TSPEAR: variants seen among roughly 807,000 people sequenced by gnomAD.
TSPEAR encodes thrombospondin type laminin G domain and EAR repeats, also known as thrombospondin-type laminin G domain and EAR repeat-containing protein.
In TSPEAR, 69 loss-of-function variants were observed where a neutral mutation model predicts 71.6. The observed-to-expected ratio is 0.96, with a 90% CI of 0.79 to 1.18. TSPEAR has a LOEUF of 1.18. Among genes scored for constraint, TSPEAR ranks in the 50% most tolerant of loss-of-function variants. The pLI, the probability that TSPEAR is intolerant of heterozygous loss-of-function variation, is 0.00. For missense variants in TSPEAR, 971 were observed against 894.9 expected, an observed-to-expected ratio of 1.09 and a Z score of -1.09; for synonymous variants, 402 against 387.2, an observed-to-expected ratio of 1.04 and a Z score of -0.45.
At chr21:44,649,673 C>A (rs912871979) in intron 1 of TSPEAR, among the ~76,000 whole-genome samples, 1 of 152,182 alleles carries the variant, frequency 6.6e-6, no homozygotes, top group African/African-American at 2.4e-5. Context: ...CCCATACAGG[C>A]CTCCCTCCTT....
rs1423543663 is a variant in TSPEAR, at chr21:44,710,254, C to T, written c.82+1179G>A. Among the ~76,000 whole-genome samples, 6 of 152,168 alleles carry T rather than the reference C, an allele frequency of 3.9e-5. No individual in the cohort carries two copies. The highest frequency in any genetic ancestry group is 1.4e-4 in the African/African-American group (6 of 41,436). On this transcript the variant is annotated intron_variant, in intron 1 of 11. Coordinates refer to ENST00000323084, the MANE Select transcript of TSPEAR (RefSeq NM_144991.3). This position sits in a 1 kb window ranked among gnomAD's most constrained non-coding sequence, Gnocchi z 4.6. ...AGAATCACCCAGTTCCAAGGCAGTC[C>T]CTGCGGGCAGGTGCAGCTGTGCGGG...
At chr21:44,509,948 T>C (rs1275565934) in intron 9 of TSPEAR, 1 of 153,684 alleles carries the variant, frequency 6.5e-6, no homozygotes, top group Non-Finnish European at 1.4e-5. Flanking sequence ...AGTTTTCTCT[T>C]ACACGCTTTC....
chr21:44,665,181 T>C (rs1279538571), intron 1 of TSPEAR, among the ~76,000 whole-genome samples: 1 of 152,220 alleles, frequency 6.6e-6, no homozygotes, highest in Admixed American at 6.5e-5. Context: ...ACACAATAGG[T>C]CCCTGACCAC....
chr21:44,571,556 C>T (rs782367200), intron 1 of TSPEAR, among the ~76,000 whole-genome samples: 6 of 152,162 alleles, frequency 3.9e-5, no homozygotes, highest in Non-Finnish European at 5.9e-5. Context: ...TAAATGCCTT[C>T]GTCCACCAAG....
chr21:44,557,770 T>C (rs1179901894), intron 2 of TSPEAR: 2 of 493,998 alleles, frequency 4.0e-6, no homozygotes, highest in Non-Finnish European at 7.2e-6. Context: ...GTTTGCCAGA[T>C]ATGCAAAAAA....
chr21:44,531,179 C>T (rs782797485), intron 3 of TSPEAR, 46 bp from the exon 4 acceptor site: 127 of 1,483,626 alleles, frequency 8.6e-5, no homozygotes, highest in Non-Finnish European at 9.8e-5. Flanking sequence ...AGAGTGGTCA[C>T]CCCAGTTTAC....
intron 1 of TSPEAR, among the ~76,000 whole-genome samples, chr21:44,660,464 G>A (rs587750858): frequency 1.1e-4 from 17 of 152,292 alleles, no homozygotes; most frequent in African/African-American, 2.4e-4. Flanking sequence ...TCACAGGACC[G>A]AAAGTACATC....
intron 8 of TSPEAR, among the ~76,000 whole-genome samples, 158 bp from the exon 9 acceptor site, chr21:44,522,270 C>A (rs1178011813): frequency 6.6e-6 from 1 of 152,240 alleles, no homozygotes; most frequent in East Asian, 1.9e-4. Flanking sequence ...CCTTGAGCCT[C>A]CCGCCCTCAG....
chr21:44,530,946 C>T (rs965204094), intron 4 of TSPEAR, 97 bp downstream of exon 4: 16 of 968,814 alleles, frequency 1.7e-5, no homozygotes, highest in African/African-American at 3.2e-5. Context: ...CCAGTTAGCA[C>T]GTCCAAGGAT....
intron 1 of TSPEAR, chr21:44,681,820 T>G: frequency 6.2e-7 from 1 of 1,600,596 alleles, no homozygotes; most frequent in Non-Finnish European, 8.5e-7. Flanking sequence ...GCAGCGGGTC[T>G]GGAGATTCAT....
Position 44,531,153 on chromosome 21 carries a change from G to C in TSPEAR, c.543-20C>G. Reference sequence around the variant, plus strand: ...GCCATTCTGAAAATATCAAAGGACTGTGTTAGGGCCATAGGAGAGTGGTCA... The same window carrying C: ...GCCATTCTGAAAATATCAAAGGACTCTGTTAGGGCCATAGGAGAGTGGTCA... On this transcript the variant is annotated intron_variant, in intron 3 of 11. Transcript: ENST00000323084. The C allele has an allele frequency of 6.2e-7, 1 of 1,603,982 alleles. No homozygotes were observed. Among genetic ancestry groups the C allele is most frequent in the South Asian group, 1.1e-5 (1 of 90,526 alleles).
rs540517153 is a variant in TSPEAR at position 44,710,619 on chromosome 21, C to T, written c.82+814G>A. ...CCAGAAGCGCAAGCCATCTCCTCGC[C>T]TCCCCTGATAGCCGTGCTGCGGAGC... On this transcript the variant is annotated intron_variant, in intron 1 of 11. Coordinates refer to ENST00000323084, the MANE Select transcript of TSPEAR (RefSeq NM_144991.3). The surrounding 1 kb of genome is among the most constrained non-coding windows in gnomAD (Gnocchi z 4.6). Among the ~76,000 whole-genome samples the T allele has an allele frequency of 3.3e-5, 5 of 152,230 alleles. No individual in the cohort carries two copies. The highest frequency in any genetic ancestry group is 2.6e-4 in the Admixed American group (4 of 15,288).
chr21:44,615,347 G>A (rs587664881), intron 1 of TSPEAR, among the ~76,000 whole-genome samples: 3 of 152,356 alleles, frequency 2.0e-5, no homozygotes, highest in South Asian at 2.1e-4. Flanking sequence ...AGTCCAGGCC[G>A]CACAGGTGCC....
intron 9 of TSPEAR, among the ~76,000 whole-genome samples, chr21:44,516,839 C>T (rs587763891): frequency 1.3e-5 from 2 of 152,316 alleles, no homozygotes; most frequent in Admixed American, 1.3e-4. Context: ...CAACAAGTTT[C>T]TAGTTGTCCC....
chr21:44,638,224 G>A (rs782079977), intron 1 of TSPEAR: 23 of 1,562,472 alleles, frequency 1.5e-5, no homozygotes, highest in Non-Finnish European at 1.9e-5. Context: ...TGACCTCCCA[G>A]CTGCCCCAGC....
rs938038438 is a variant in TSPEAR, at chr21:44,499,256, G to A, written c.*527C>T. 5.2e-5 allele frequency: 8 copies of A among 152,782 alleles called. No individual in the cohort carries two copies. The highest frequency in any genetic ancestry group is 1.9e-4 in the African/African-American group (8 of 41,458). 9.5% of individuals were successfully genotyped at this position (152,782 alleles called of 1,614,324 possible). On this transcript the variant is annotated 3_prime_UTR_variant, in exon 12 of 12. Coordinates refer to ENST00000323084, the MANE Select transcript of TSPEAR (RefSeq NM_144991.3). ...GAGGTGGTCCTCTGTCCGTGTCCGTGGTGAGGGGCTGTGCCCACCCGCTGC... is the reference window on the plus strand; with the variant it reads ...GAGGTGGTCCTCTGTCCGTGTCCGTAGTGAGGGGCTGTGCCCACCCGCTGC...
At chr21:44,598,815 T>TA (rs1388529394) in intron 1 of TSPEAR, among the ~76,000 whole-genome samples, 6 of 152,278 alleles carry the variant, frequency 3.9e-5, no homozygotes, top group Non-Finnish European at 7.4e-5. Flanking sequence ...TCATCCTGCC[T>TA]AAAAAAATCC....
At chr21:44,590,583 G>C (rs114480957) in intron 1 of TSPEAR, among the ~76,000 whole-genome samples, 4,770 of 151,098 alleles carry the variant, frequency 0.032, 248 homozygotes, top group African/African-American at 0.11. Context: ...TCCTGGGGGA[G>C]GGCGTGGTCC....
At chr21:44,516,881 C>T (rs2052589773) in intron 9 of TSPEAR, among the ~76,000 whole-genome samples, 2 of 152,200 alleles carry the variant, frequency 1.3e-5, no homozygotes, top group Admixed American at 6.5e-5. Flanking sequence ...TCCTTCCTTC[C>T]CAGAGGAAGA....
Sources: allele counts gnomAD v4.1 joint callset (sites outside exome capture counted in the v4.1 genomes callset), GRCh38; gene constraint gnomAD v4.1.1; non-coding constraint Gnocchi (gnomAD v3.1); transcripts MANE v1.5; gene names NCBI Gene and HGNC (gene_info 2026-07-23, HGNC 2026-07-21).